The following CDH4 variants were observed in gnomAD, a reference collection of about 807,000 sequenced individuals.
CDH4 encodes cadherin 4.
CDH4 carries 33 observed loss-of-function variants against 86.0 expected under a neutral mutation model. The observed-to-expected ratio is 0.38, with a 90% confidence interval of 0.29 to 0.51. The LOEUF is 0.51. CDH4 is among the 20% of genes least tolerant of loss of function. The pLI, the probability that CDH4 is intolerant of heterozygous loss-of-function variation, is 0.86. For synonymous variants in CDH4, 555 were observed against 549.4 expected (o/e 1.01, Z -0.14); for missense variants, 1,114 against 1,307.4 (o/e 0.85, Z 2.28).
chr20:61,925,289 C>T lies in CDH4; in HGVS notation c.1771+813C>T, dbSNP rs551373733. 3.5e-4 allele frequency among the ~76,000 whole-genome samples: 53 copies of T among 152,312 alleles called. No homozygotes were observed. The South Asian group carries it at 0.01, about 29-fold the overall frequency. On this transcript the variant is annotated intron_variant, in intron 11 of 15. Coordinates refer to ENST00000614565, the MANE Select transcript of CDH4 (RefSeq NM_001794.5). ...CGAACTGGCCGAGCCCCCCACGGGT[C>T]GCACGCTCTCAGAGGCATGGAGGCA...
chr20:61,257,294 T>A (rs2084104014), intron 2 of CDH4, among the ~76,000 whole-genome samples: 1 of 152,218 alleles, frequency 6.6e-6, no homozygotes. Flanking sequence ...TGTTACACGG[T>A]AATTAACTTG....
intron 1 of CDH4, among the ~76,000 whole-genome samples, chr20:61,253,306 C>T (rs962008343): frequency 6.6e-6 from 1 of 151,358 alleles, no homozygotes; most frequent in Non-Finnish European, 1.5e-5. Flanking sequence ...GCGGGTCTCC[C>T]GCTGCCTCTG....
At chr20:61,315,559 G>A (rs768305919) in intron 2 of CDH4, among the ~76,000 whole-genome samples, 4 of 152,194 alleles carry the variant, frequency 2.6e-5, no homozygotes, top group Non-Finnish European at 1.5e-5. Flanking sequence ...CAAGAAACTC[G>A]CAGAACCAGG....
chr20:61,549,669 C>G (rs996039183), intron 2 of CDH4, among the ~76,000 whole-genome samples: 1 of 152,188 alleles, frequency 6.6e-6, no homozygotes, highest in Non-Finnish European at 1.5e-5. Flanking sequence ...GACTAAACAG[C>G]GAAGCCTCCG....
At chr20:61,859,962 A>C (rs989244739) in intron 6 of CDH4, among the ~76,000 whole-genome samples, 2 of 152,248 alleles carry the variant, frequency 1.3e-5, no homozygotes, top group East Asian at 3.8e-4. Context: ...CCGCGTGACC[A>C]CAGCATGGCC....
chr20:61,351,609 G>A (rs573251062), intron 2 of CDH4, among the ~76,000 whole-genome samples: 4 of 152,288 alleles, frequency 2.6e-5, no homozygotes, highest in South Asian at 2.1e-4. Flanking sequence ...TGATACAGGC[G>A]TAGAATGCAC....
chr20:61,546,840 G>C (rs13042142), intron 2 of CDH4, among the ~76,000 whole-genome samples: 36,441 of 152,020 alleles, frequency 0.24, 5,115 homozygotes, highest in African/African-American at 0.4. Context: ...GCGGTGCCAC[G>C]GGATAATCCT....
intron 2 of CDH4, among the ~76,000 whole-genome samples, chr20:61,531,612 TTAAA>T (rs1467236564): frequency 4.6e-5 from 7 of 152,168 alleles, no homozygotes; most frequent in Non-Finnish European, 8.8e-5. Flanking sequence ...CTAAGTTAAT[TTAAA>T]TAAATATTTT....
intron 13 of CDH4, among the ~76,000 whole-genome samples, chr20:61,930,421 G>A (rs1009720747): frequency 6.6e-6 from 1 of 152,182 alleles, no homozygotes; most frequent in Non-Finnish European, 1.5e-5. Context: ...GGAGGTGCTT[G>A]AAAATGACCC....
chr20:61,780,674 A>G (rs1978491870), intron 4 of CDH4, among the ~76,000 whole-genome samples: 1 of 152,234 alleles, frequency 6.6e-6, no homozygotes, highest in African/African-American at 2.4e-5. Flanking sequence ...TAATAACTAT[A>G]AATTCTAGGG....
intron 2 of CDH4, among the ~76,000 whole-genome samples, chr20:61,325,137 G>A (rs2084529942): frequency 6.6e-6 from 1 of 151,980 alleles, no homozygotes. Flanking sequence ...ACATCTCACG[G>A]TGCCTGACGC....
At chr20:61,793,904 C>T (rs1979369299) in intron 4 of CDH4, among the ~76,000 whole-genome samples, 1 of 149,174 alleles carries the variant, frequency 6.7e-6, no homozygotes, top group South Asian at 2.1e-4. Flanking sequence ...TTTGGGAGGC[C>T]AAGGCGGGTA....
At chr20:61,647,101 G>T (rs2087068999) in intron 2 of CDH4, among the ~76,000 whole-genome samples, 1 of 152,312 alleles carries the variant, frequency 6.6e-6, no homozygotes, top group South Asian at 2.1e-4. Context: ...CACCCAGCCT[G>T]TCCTCTCCAT....
rs1054769890 is a variant in CDH4 at position 61,496,061 on chromosome 20, A to G, written c.169+241124A>G. The stretch of plus-strand genomic sequence containing the variant: ...TATGAAAATTTTCATACTTACAGAA[A>G]ATCTGAGGGAATTGAACAACGGACA... On this transcript the variant is annotated intron_variant, in intron 2 of 15. Coordinates refer to ENST00000614565, the MANE Select transcript of CDH4 (RefSeq NM_001794.5). Among the ~76,000 whole-genome samples, 4 of 152,052 alleles carry G rather than the reference A, an allele frequency of 2.6e-5. 1 individual carries two copies. The highest frequency in any genetic ancestry group is 2.6e-4 in the Admixed American group (4 of 15,258).
At chr20:61,554,154 T>C (rs1373954902) in intron 2 of CDH4, among the ~76,000 whole-genome samples, 1 of 152,210 alleles carries the variant, frequency 6.6e-6, no homozygotes, top group East Asian at 1.9e-4. Flanking sequence ...GACAGAGCTA[T>C]GATATATTTG....
intron 5 of CDH4, among the ~76,000 whole-genome samples, chr20:61,851,844 C>T (rs1351723279): frequency 6.6e-6 from 1 of 152,208 alleles, no homozygotes; most frequent in Non-Finnish European, 1.5e-5. Flanking sequence ...TTCTTCTCTT[C>T]CCGGTGTCCA....
At chr20:61,649,934 G>A (rs978664511) in intron 2 of CDH4, among the ~76,000 whole-genome samples, 3 of 152,182 alleles carry the variant, frequency 2.0e-5, no homozygotes, top group Middle Eastern at 3.2e-3. Context: ...TTGTGGCCTG[G>A]GATCTGAGAG....
intron 2 of CDH4, among the ~76,000 whole-genome samples, chr20:61,671,581 G>T (rs1304998911): frequency 6.6e-6 from 1 of 152,084 alleles, no homozygotes; most frequent in African/African-American, 2.4e-5. Flanking sequence ...TTTGTGGATG[G>T]ATGATGAACG....
At position 61,377,443 on chromosome 20, in the gene CDH4, C is replaced by T. The variant is rs1023692279; in HGVS notation, c.169+122506C>T. 2.6e-5 allele frequency among the ~76,000 whole-genome samples: 4 copies of T among 152,208 alleles called. No individual in the cohort carries two copies. Among genetic ancestry groups the T allele is most frequent in the African/African-American group, 9.6e-5 (4 of 41,456 alleles). On this transcript the variant is annotated intron_variant, in intron 2 of 15. Transcript: ENST00000614565. This position sits in a 1 kb window ranked among gnomAD's most constrained non-coding sequence, Gnocchi z 4.0. ...ATTTCCTTCATCCTCTCTCCACCTCCCTGGTGCCTTTCCTGAGTGTAAAAC... is the reference window on the plus strand; with the variant it reads ...ATTTCCTTCATCCTCTCTCCACCTCTCTGGTGCCTTTCCTGAGTGTAAAAC...
Sources: allele counts gnomAD v4.1 joint callset (sites outside exome capture counted in the v4.1 genomes callset), GRCh38; gene constraint gnomAD v4.1.1; non-coding constraint Gnocchi (gnomAD v3.1); transcripts MANE v1.5; gene names NCBI Gene and HGNC (gene_info 2026-07-23, HGNC 2026-07-21).